SH3RF3: variants seen among roughly 807,000 people sequenced by gnomAD.
The protein encoded by SH3RF3 is E3 ubiquitin-protein ligase SH3RF3.
A neutral mutation model predicts 66.3 loss-of-function variants in SH3RF3; 29 were observed. That is an observed-to-expected ratio of 0.44 (90% CI 0.33 to 0.60). SH3RF3 has a LOEUF of 0.60. Ranked by LOEUF, SH3RF3 falls within the 20% of genes least tolerant of loss-of-function variation. The pLI is 0.04. For synonymous variants in SH3RF3, 583 were observed against 532.0 expected, an observed-to-expected ratio of 1.10 and a Z score of -1.32; for missense variants, 1,194 against 1,190.9, an observed-to-expected ratio of 1.00 and a Z score of -0.04.
intron 3 of SH3RF3, among the ~76,000 whole-genome samples, chr2:109,392,014 C>T (rs1676011586): frequency 6.6e-6 from 1 of 152,094 alleles, no homozygotes; most frequent in African/African-American, 2.4e-5. Flanking sequence ...CTGGGTCTCA[C>T]TATATTACCC....
intron 4 of SH3RF3, among the ~76,000 whole-genome samples, chr2:109,407,377 A>G (rs1442182144): frequency 6.6e-6 from 1 of 152,236 alleles, no homozygotes; most frequent in Non-Finnish European, 1.5e-5. Flanking sequence ...AGAGTTCCTT[A>G]TGGAAGCTTC....
At chr2:109,284,672 T>C (rs1443422325) in intron 1 of SH3RF3, among the ~76,000 whole-genome samples, 1 of 152,210 alleles carries the variant, frequency 6.6e-6, no homozygotes, top group Non-Finnish European at 1.5e-5. Context: ...TTTGAGGCTT[T>C]AGTGATTTTT....
chr2:109,269,414 G>A (rs562210729), intron 1 of SH3RF3, among the ~76,000 whole-genome samples: 16 of 152,276 alleles, frequency 1.1e-4, no homozygotes, highest in Non-Finnish European at 2.2e-4. Context: ...TCTGCTGGCC[G>A]ACCACATCCT....
chr2:109,400,552 C>T lies in SH3RF3; in HGVS notation c.1299+1609C>T, dbSNP rs1449877020. ...GCAGATACACATGCACACACACGTA[C>T]GTATACACATACACACCTGTGCGCA... On this transcript the variant is annotated intron_variant, in intron 4 of 9. Transcript: ENST00000309415. Among the ~76,000 whole-genome samples the T allele has an allele frequency of 5.4e-5, 8 of 149,396 alleles. No homozygotes were observed. In the East Asian group the frequency reaches 1.2e-3, roughly 22 times the overall value.
intron 3 of SH3RF3, among the ~76,000 whole-genome samples, chr2:109,383,752 C>G (rs1184922868): frequency 1.3e-5 from 2 of 152,182 alleles, no homozygotes; most frequent in East Asian, 3.9e-4. Context: ...AAACGCCTCC[C>G]AAATCCTTGA....
intron 3 of SH3RF3, among the ~76,000 whole-genome samples, chr2:109,389,762 A>C (rs951308102): frequency 6.6e-6 from 1 of 152,214 alleles, no homozygotes; most frequent in Non-Finnish European, 1.5e-5. Context: ...TACACATTAC[A>C]TATGTATAAT....
Position 109,162,461 on chromosome 2 carries a change from C to T in SH3RF3, c.573+32348C>T, listed in dbSNP as rs763821651. ...TAAGTTTTAGGGTACATGTGCACAA[C>T]GTGCAGGCTTGTTACCTATGTATAC... On this transcript the variant is annotated intron_variant, in intron 1 of 9. Coordinates refer to ENST00000309415, the MANE Select transcript of SH3RF3 (RefSeq NM_001099289.3). 1.1e-3 allele frequency among the ~76,000 whole-genome samples: 168 copies of T among 152,246 alleles called. 3 individuals are homozygous for T. The highest frequency in any genetic ancestry group is 2.5e-3 in the Admixed American group (38 of 15,290).
At chr2:109,378,066 A>G (rs1683430743) in intron 3 of SH3RF3, among the ~76,000 whole-genome samples, 1 of 152,220 alleles carries the variant, frequency 6.6e-6, no homozygotes, top group Admixed American at 6.5e-5. Flanking sequence ...TGCCTGGGCC[A>G]GGCGGGATGT....
At chr2:109,282,560 C>T (rs1238003203) in intron 1 of SH3RF3, among the ~76,000 whole-genome samples, 1 of 152,156 alleles carries the variant, frequency 6.6e-6, no homozygotes, top group African/African-American at 2.4e-5. Flanking sequence ...CAGCTGACTG[C>T]AGGGCCTGGG....
At chr2:109,378,432 C>T (rs1193217269) in intron 3 of SH3RF3, among the ~76,000 whole-genome samples, 1 of 152,300 alleles carries the variant, frequency 6.6e-6, no homozygotes, top group African/African-American at 2.4e-5. Context: ...GGAACACCTC[C>T]GACTCTTAAT....
chr2:109,296,306 C>T (rs113078021), intron 1 of SH3RF3, among the ~76,000 whole-genome samples: 4,428 of 152,178 alleles, frequency 0.029, 235 homozygotes, highest in African/African-American at 0.1. Flanking sequence ...CGGCTCACTG[C>T]AACCCCTGCC....
intron 7 of SH3RF3, among the ~76,000 whole-genome samples, chr2:109,447,034 C>G (rs868467911): frequency 6.6e-6 from 1 of 151,586 alleles, no homozygotes. Flanking sequence ...TTAAATGACC[C>G]GAGGCCCCTG....
intron 1 of SH3RF3, among the ~76,000 whole-genome samples, chr2:109,334,112 G>A (rs868290209): frequency 2.0e-5 from 3 of 152,072 alleles, no homozygotes; most frequent in Non-Finnish European, 4.4e-5. Flanking sequence ...TAATCCCAGC[G>A]CTTTGGGAGG....
chr2:109,253,099 G>C (rs13395748), intron 1 of SH3RF3, among the ~76,000 whole-genome samples: 9,981 of 151,936 alleles, frequency 0.066, 897 homozygotes, highest in African/African-American at 0.2. Flanking sequence ...GCGATCTCAG[G>C]TCACTGCAAC....
chr2:109,276,795 A>G (rs1178717645), intron 1 of SH3RF3, among the ~76,000 whole-genome samples: 2 of 152,162 alleles, frequency 1.3e-5, no homozygotes, highest in Non-Finnish European at 2.9e-5. Context: ...ACATATATAT[A>G]TACTACCTTT....
At position 109,287,020 on chromosome 2, in the gene SH3RF3, C is replaced by G. The variant is rs145878808; in HGVS notation, c.574-60654C>G. Among the ~76,000 whole-genome samples the G allele has an allele frequency of 6.8e-3, 1,036 of 152,300 alleles. 3 individuals are homozygous for G. Among genetic ancestry groups the G allele is most frequent in the Non-Finnish European group, 0.011 (775 of 68,026 alleles). ...CGTGCAACTGTCCCTGTGCTCAGCTCTGCACTGCTCTTCCCTCTCAGCAAC... is the reference window on the plus strand; with the variant it reads ...CGTGCAACTGTCCCTGTGCTCAGCTGTGCACTGCTCTTCCCTCTCAGCAAC... On this transcript the variant is annotated intron_variant, in intron 1 of 9. Transcript: ENST00000309415.
chr2:109,408,248 G>A (rs1157832289), intron 4 of SH3RF3, among the ~76,000 whole-genome samples: 10 of 152,182 alleles, frequency 6.6e-5, no homozygotes, highest in African/African-American at 2.4e-4. Context: ...TGGAAAGGAG[G>A]AAGGGCCTCG....
chr2:109,283,863 G>A (rs933011503), intron 1 of SH3RF3, among the ~76,000 whole-genome samples: 3 of 152,172 alleles, frequency 2.0e-5, no homozygotes, highest in African/African-American at 7.2e-5. Context: ...GGGATGCTGG[G>A]GAGTGAGTAT....
At chr2:109,186,935 T>C (rs540784654) in intron 1 of SH3RF3, among the ~76,000 whole-genome samples, 2 of 152,200 alleles carry the variant, frequency 1.3e-5, no homozygotes, top group Admixed American at 6.5e-5. Flanking sequence ...CTAGAACTAA[T>C]TGGAAGTGTA....
Sources: gnomAD v4.1 joint callset for allele counts (sites outside exome capture counted in the v4.1 genomes callset) on GRCh38, gnomAD v4.1.1 for gene constraint, MANE v1.5 for transcripts, NCBI Gene and HGNC (gene_info 2026-07-23, HGNC 2026-07-21) for gene names.